The following RIC1 variants were observed in gnomAD, a reference collection of about 807,000 sequenced individuals.
RIC1 encodes guanine nucleotide exchange factor subunit RIC1.
In RIC1, 88 loss-of-function variants were observed where a neutral mutation model predicts 169.0. That is an observed-to-expected ratio of 0.52 (90% CI 0.44 to 0.62). RIC1 has a LOEUF of 0.62. Ranked by LOEUF, RIC1 falls within the 20% of genes least tolerant of loss-of-function variation. RIC1 has a pLI of 0.00. For synonymous variants in RIC1, 790 were observed against 601.5 expected, an observed-to-expected ratio of 1.31 and a Z score of -4.59; for missense variants, 1,877 against 1,725.5, an observed-to-expected ratio of 1.09 and a Z score of -1.56.
chr9:5,659,797 T>G (rs1403164307), intron 2 of RIC1, among the ~76,000 whole-genome samples: 1 of 152,192 alleles, frequency 6.6e-6, no homozygotes, highest in African/African-American at 2.4e-5. Flanking sequence ...GTTTTTAAGT[T>G]TCCTTTTCAG....
rs572522326 is a variant in RIC1, at chr9:5,775,119, G to A, written c.*873G>A. On this transcript the variant is annotated 3_prime_UTR_variant, in exon 26 of 26. Coordinates refer to ENST00000414202, the MANE Select transcript of RIC1 (RefSeq NM_020829.4). ...AAAACTGAGGAAGACAGGTTTATTG[G>A]CTTGGTCATGAAGTAACAGAAATGG... 6.6e-6 allele frequency: 1 copy of A among 152,244 alleles called. No individual in the cohort carries two copies. The highest frequency in any genetic ancestry group is 1.5e-5 in the Non-Finnish European group (1 of 68,010). 9.4% of individuals were successfully genotyped at this position (152,244 alleles called of 1,614,324 possible).
Position 5,772,598 on chromosome 9 carries a change from G to C in RIC1, c.3651G>C (p.Leu1217Phe), listed in dbSNP as rs758435306. The stretch of plus-strand genomic sequence containing the variant: ...GCAGTATTGGTTCAGCCACAGACTT[G>C]ACTGAAAGTAGCTCCATGGTGGATG... ...DECSIGSATD[L>F]TESSSMVDGD... is the part of the protein sequence containing the mutation. Residue 1217 changes from leucine to phenylalanine, a missense_variant, in exon 24 of 26, where the codon TTG becomes TTC. Coordinates refer to ENST00000414202, the MANE Select transcript of RIC1 (RefSeq NM_020829.4). 4 of 1,613,428 alleles carry C rather than the reference G, an allele frequency of 2.5e-6. No individual in the cohort carries two copies. In the East Asian group the frequency reaches 8.9e-5, roughly 36 times the overall value.
chr9:5,720,700 G>T lies in RIC1; in HGVS notation c.670G>T (p.Asp224Tyr), dbSNP rs757683871. The T allele has an allele frequency of 6.2e-7, 1 of 1,612,514 alleles. No homozygotes were observed. The highest frequency in any genetic ancestry group is 2.2e-5 in the East Asian group (1 of 44,814). Residue 224 changes from aspartate (D) to tyrosine (Y), a missense_variant, in exon 6 of 26, where the codon GAT becomes TAT. This residue lies in a region of RIC1 where 1,104 missense variants were observed against 992.0 expected (regional missense o/e 1.11). Transcript: ENST00000414202. ...TGATGGGTTTGCTGTTGTATTTAATGATGGTAAAGTTGGATTTATTACACC... is the reference window on the plus strand; with the variant it reads ...TGATGGGTTTGCTGTTGTATTTAATTATGGTAAAGTTGGATTTATTACACC... ...TLDGFAVVFN[D>Y]GKVGFITPVS... is the part of the protein sequence containing the mutation.
rs1196217054 is a variant in RIC1 at position 5,772,732 on chromosome 9, T to A, written c.3785T>A (p.Val1262Asp). ...AGTAAAGGGCCTCATAAATCCCAGG[T>A]CCAGCTTCGGTGAGTTTCTTGGCTA... ...LASKGPHKSQ[V>D]QLRYLLHIFM... The change falls in exon 24 of 26, where the codon GTC (valine) becomes GAC (aspartate). Residue 1262 changes from valine (V) to aspartate (D), a missense_variant. Transcript: ENST00000414202. 6.2e-7 allele frequency: 1 copy of A among 1,605,092 alleles called. No homozygotes were observed. The highest frequency in any genetic ancestry group is 1.1e-5 in the South Asian group (1 of 89,130).
downstream of RIC1, among the ~76,000 whole-genome samples, chr9:5,777,258 ATTTC>A (rs1035710947): frequency 6.7e-6 from 1 of 150,172 alleles, no homozygotes; most frequent in Non-Finnish European, 1.5e-5. Flanking sequence ...AATTGCAACT[ATTTC>A]TTCATTCTGT....
chr9:5,677,464 T>C (rs189450653), intron 2 of RIC1, among the ~76,000 whole-genome samples: 223 of 152,306 alleles, frequency 1.5e-3, no homozygotes, highest in African/African-American at 5.2e-3. Context: ...CTACACAGCA[T>C]ATCTTTTGCA....
At chr9:5,641,925 C>G (rs545706805) in intron 1 of RIC1, among the ~76,000 whole-genome samples, 8 of 144,138 alleles carry the variant, frequency 5.6e-5, no homozygotes, top group Admixed American at 1.3e-4. Flanking sequence ...TGGTCCCTGC[C>G]TTACTTAGTT....
Position 5,757,301 on chromosome 9 carries a change from T to G in RIC1, c.1854-12T>G. The G allele has an allele frequency of 6.2e-7, 1 of 1,613,698 alleles. No homozygotes were observed. Among genetic ancestry groups the G allele is most frequent in the South Asian group, 1.1e-5 (1 of 91,044 alleles). On this transcript the variant is annotated splice_polypyrimidine_tract_variant and intron_variant, in intron 16 of 25. Coordinates refer to ENST00000414202, the MANE Select transcript of RIC1 (RefSeq NM_020829.4). ...TGTTGTTGAGGTATGTGGGTTTCTT[T>G]TGTTTTTACAGTCCAAATACTACTG...
chr9:5,709,012 A>G (rs568542949), intron 3 of RIC1, among the ~76,000 whole-genome samples: 16 of 152,194 alleles, frequency 1.1e-4, no homozygotes, highest in East Asian at 9.6e-4. Context: ...GTTTTACAGG[A>G]CAAAAATCTA....
chr9:5,652,871 A>G (rs1260722001), intron 1 of RIC1, among the ~76,000 whole-genome samples: 2 of 152,146 alleles, frequency 1.3e-5, no homozygotes, highest in Non-Finnish European at 2.9e-5. Flanking sequence ...GTTGAGTTAC[A>G]TTCTTTCTAT....
At chr9:5,748,238 A>C (rs564125818) in intron 12 of RIC1, among the ~76,000 whole-genome samples, 6 of 152,308 alleles carry the variant, frequency 3.9e-5, no homozygotes, top group Admixed American at 1.3e-4. Context: ...GGTACATCAA[A>C]GCCCACTCTT....
intron 7 of RIC1, among the ~76,000 whole-genome samples, chr9:5,734,798 AT>A (rs1434534270): frequency 1.3e-4 from 20 of 152,192 alleles, no homozygotes; most frequent in Non-Finnish European, 2.2e-4. Context: ...CATTTTTTAA[AT>A]TGGTTTATAA....
rs1823508431 is a variant in RIC1, at chr9:5,720,329, C to G, written c.583+5C>G. 6.2e-7 allele frequency: 1 copy of G among 1,608,910 alleles called. No individual in the cohort carries two copies. Among genetic ancestry groups the G allele is most frequent in the Non-Finnish European group, 8.5e-7 (1 of 1,177,730 alleles). On this transcript the variant is annotated splice_donor_5th_base_variant and intron_variant, in intron 5 of 25. Transcript: ENST00000414202. Reference sequence around the variant, plus strand: ...TAGACCTGCAGTCATCTAGAGGTAGCTATACTTTCTACATGAGGTTGAACC... The same window carrying G: ...TAGACCTGCAGTCATCTAGAGGTAGGTATACTTTCTACATGAGGTTGAACC...
At chr9:5,679,213 T>C (rs942636417) in intron 2 of RIC1, among the ~76,000 whole-genome samples, 1 of 152,150 alleles carries the variant, frequency 6.6e-6, no homozygotes, top group Non-Finnish European at 1.5e-5. Flanking sequence ...TATCTCTGTT[T>C]TGGTACCAGT....
chr9:5,647,376 T>C (rs1251058205), intron 1 of RIC1, among the ~76,000 whole-genome samples: 1 of 152,236 alleles, frequency 6.6e-6, no homozygotes, highest in East Asian at 1.9e-4. Flanking sequence ...AGGACTTACA[T>C]TGACTATGTA....
intron 2 of RIC1, among the ~76,000 whole-genome samples, chr9:5,666,022 G>T (rs1819734014): frequency 6.6e-6 from 1 of 152,136 alleles, no homozygotes; most frequent in Non-Finnish European, 1.5e-5. Context: ...CCACAGGCTG[G>T]ACTGATTGAG....
chr9:5,665,343 A>G (rs79535452), intron 2 of RIC1, among the ~76,000 whole-genome samples: 8,381 of 152,078 alleles, frequency 0.055, 325 homozygotes, highest in Non-Finnish European at 0.086. Context: ...CACGTCCTGT[A>G]TTGTTTTGTC....
rs1338318448 is a variant in RIC1 at position 5,738,499 on chromosome 9, C to T, written c.862C>T (p.Leu288=). The change falls in exon 8 of 26, where the codon CTA becomes TTA. Residue 288 remains leucine, a synonymous_variant. Transcript: ENST00000414202. ...AGATAACAGCACTGGAGCCATGCTG[C>T]TATCTCATAAATTAGAGCTAACAGC... ...TIDNSTGAML[L]SHKLELTAKQ... 1.3e-6 allele frequency: 2 copies of T among 1,596,842 alleles called. No homozygotes were observed. Among genetic ancestry groups the T allele is most frequent in the East Asian group, 2.2e-5 (1 of 44,538 alleles).
rs1426750724 is a variant in RIC1, at chr9:5,763,346, C to T, written c.2319C>T (p.His773=). ...CCCAGCGGATCATGCTGCCTTTCCA[C>T]ATCAACATTTACCCGCTAGCTGTTC... The part of the protein sequence containing the change: ...FLSQRIMLPF[H]INIYPLAVLF... The change falls in exon 19 of 26, where the codon CAC becomes CAT. Residue 773 remains histidine, a synonymous_variant. Coordinates refer to ENST00000414202, the MANE Select transcript of RIC1 (RefSeq NM_020829.4). This position sits in a 1 kb window ranked among gnomAD's most constrained non-coding sequence, Gnocchi z 5.2. The T allele has an allele frequency of 2.5e-6, 4 of 1,614,178 alleles. No homozygotes were observed. The highest frequency in any genetic ancestry group is 1.7e-5 in the Admixed American group (1 of 60,014).
Sources: allele counts gnomAD v4.1 joint callset (sites outside exome capture counted in the v4.1 genomes callset), GRCh38; gene constraint gnomAD v4.1.1; regional missense constraint gnomAD v4.1.1; non-coding constraint Gnocchi (gnomAD v3.1); transcripts MANE v1.5; gene names NCBI Gene and HGNC (gene_info 2026-07-23, HGNC 2026-07-21).